The following NPNT variants were observed in gnomAD, a reference collection of about 807,000 sequenced individuals.
NPNT encodes preosteoblast EGF-like repeat protein with MAM domain.
In NPNT, 45 loss-of-function variants were observed where a neutral mutation model predicts 68.6. The observed-to-expected ratio is 0.66, with a 90% CI of 0.52 to 0.84. The LOEUF is 0.84. Ranked by LOEUF, NPNT falls within the 40% of genes least tolerant of loss-of-function variation. The probability of loss-of-function intolerance (pLI) is 0.00; values close to 1 mark genes in which losing one functional copy is unlikely to be tolerated. For missense variants in NPNT, 672 were observed against 714.8 expected (o/e 0.94, Z 0.68); for synonymous variants, 233 against 253.3 (o/e 0.92, Z 0.76).
chr4:105,907,408 G>A (rs1479054153), intron 2 of NPNT, among the ~76,000 whole-genome samples: 1 of 152,170 alleles, frequency 6.6e-6, no homozygotes, highest in Non-Finnish European at 1.5e-5. Context: ...CAAAGAGAAG[G>A]TCTTCAAACG....
chr4:105,966,044 A>T (rs1256210808), intron 10 of NPNT, among the ~76,000 whole-genome samples: 5 of 152,196 alleles, frequency 3.3e-5, no homozygotes, highest in Non-Finnish European at 7.3e-5. Context: ...AAAAGTTAAT[A>T]CCAAATTTTA....
intron 4 of NPNT, 139 bp downstream of exon 4, chr4:105,937,267 A>G: frequency 1.3e-6 from 1 of 760,768 alleles, no homozygotes. Context: ...TGCCTGAGGA[A>G]TTGAAAATCA....
intron 8 of NPNT, among the ~76,000 whole-genome samples, chr4:105,948,942 T>C (rs1285917823): frequency 6.6e-6 from 1 of 152,122 alleles, no homozygotes; most frequent in Non-Finnish European, 1.5e-5. Context: ...TTTTAGGTTA[T>C]ATGACTAGAA....
chr4:105,959,644 G>A (rs28597911), intron 10 of NPNT, among the ~76,000 whole-genome samples: 13,123 of 150,782 alleles, frequency 0.087, 711 homozygotes, highest in African/African-American at 0.15. Flanking sequence ...AAATGGTTAC[G>A]AATCACCACC....
At chr4:105,968,789 A>T in intron 11 of NPNT, 106 bp from the exon 12 acceptor site, 1 of 622,694 alleles carries the variant, frequency 1.6e-6, no homozygotes, top group Non-Finnish European at 2.9e-6. Flanking sequence ...CCTGCAAAAT[A>T]AGTTTAAAAT....
intron 10 of NPNT, among the ~76,000 whole-genome samples, chr4:105,963,486 G>T (rs1731893563): frequency 6.6e-6 from 1 of 152,030 alleles, no homozygotes. Flanking sequence ...GCCTTTCATG[G>T]TGCTATTAGG....
At chr4:105,967,723 T>C (rs1732285667) in intron 11 of NPNT, among the ~76,000 whole-genome samples, 1 of 152,156 alleles carries the variant, frequency 6.6e-6, no homozygotes, top group South Asian at 2.1e-4. Context: ...AGAAAAGTTT[T>C]TTTGGTTTTT....
At chr4:105,968,163 T>A (rs927819100) in intron 11 of NPNT, among the ~76,000 whole-genome samples, 1 of 152,222 alleles carries the variant, frequency 6.6e-6, no homozygotes, top group African/African-American at 2.4e-5. Flanking sequence ...TATGTAGGTA[T>A]AGTTTATAAG....
intron 1 of NPNT, 85 bp from the exon 2 acceptor site, chr4:105,897,816 C>A: frequency 9.0e-7 from 1 of 1,107,234 alleles, no homozygotes; most frequent in Non-Finnish European, 1.3e-6. Context: ...GTGTGGTTGA[C>A]ATTTTTTCTG....
At chr4:105,940,033 TACC>T (rs1298667257) in intron 5 of NPNT, 39 bp from the exon 6 acceptor site, 1 of 1,588,830 alleles carries the variant, frequency 6.3e-7, no homozygotes, top group African/African-American at 1.3e-5. Context: ...TGTCTTAACA[TACC>T]CTTGCTCTTC....
chr4:105,905,816 G>C (rs17036363), intron 2 of NPNT, among the ~76,000 whole-genome samples: 21,657 of 152,050 alleles, frequency 0.14, 3,235 homozygotes, highest in African/African-American at 0.38. Context: ...AATTGAAGAG[G>C]TTTCATTTTA....
intron 2 of NPNT, among the ~76,000 whole-genome samples, chr4:105,900,207 T>C (rs1049957861): frequency 6.6e-6 from 1 of 152,232 alleles, no homozygotes; most frequent in Non-Finnish European, 1.5e-5. Context: ...TCAGAGGTGC[T>C]CTGGTTCTCT....
intron 2 of NPNT, among the ~76,000 whole-genome samples, chr4:105,908,569 C>CTT (rs35079311): frequency 2.8e-5 from 4 of 144,488 alleles, no homozygotes; most frequent in African/African-American, 7.5e-5. Context: ...AACCTTTAGC[C>CTT]TTTTTTTTTT....
At chr4:105,962,536 G>A (rs895124124) in intron 10 of NPNT, among the ~76,000 whole-genome samples, 2 of 152,134 alleles carry the variant, frequency 1.3e-5, no homozygotes, top group Non-Finnish European at 2.9e-5. Flanking sequence ...CATATGGCAA[G>A]ATACTGTTAA....
intron 3 of NPNT, among the ~76,000 whole-genome samples, chr4:105,930,547 T>G (rs192715687): frequency 6.6e-6 from 1 of 152,314 alleles, no homozygotes; most frequent in Admixed American, 6.5e-5. Flanking sequence ...CCCACACATT[T>G]TAATAAAGTA....
At chr4:105,946,548 A>G (rs1051108518) in intron 8 of NPNT, among the ~76,000 whole-genome samples, 3 of 152,162 alleles carry the variant, frequency 2.0e-5, no homozygotes, top group Non-Finnish European at 4.4e-5. Flanking sequence ...GGAATTTTAC[A>G]GCTGGGTCTA....
In NPNT at chr4:105,942,516, A is replaced by T. The variant is rs376080328; in HGVS notation, c.973A>T (p.Ile325Phe). ...TTRPTPKPTP[I>F]PTPPPPPPLP... ...AAGACCTACACCAAAGCCAACACCAATTCCTACTCCACCACCACCACCACC... is the reference window on the plus strand; with the variant it reads ...AAGACCTACACCAAAGCCAACACCATTTCCTACTCCACCACCACCACCACC... The change falls in exon 8 of 12, where the codon ATT (isoleucine) becomes TTT (phenylalanine). Residue 325 changes from isoleucine (I) to phenylalanine (F), a missense_variant. Ile to Phe is a conservative substitution (Grantham distance 21). Coordinates refer to ENST00000379987, the MANE Select transcript of NPNT (RefSeq NM_001033047.3). 3.1e-6 allele frequency: 5 copies of T among 1,613,802 alleles called. No homozygotes were observed. The highest frequency in any genetic ancestry group is 4.2e-6 in the Non-Finnish European group (5 of 1,179,952).
At chr4:105,959,287 A>G (rs1452607401) in intron 10 of NPNT, among the ~76,000 whole-genome samples, 161 bp downstream of exon 10, 1 of 152,192 alleles carries the variant, frequency 6.6e-6, no homozygotes. Context: ...CATTTCTTTG[A>G]AAGAGTTAAA....
chr4:105,936,808 A>G (rs183970228), intron 3 of NPNT, among the ~76,000 whole-genome samples: 1 of 152,242 alleles, frequency 6.6e-6, no homozygotes, highest in Non-Finnish European at 1.5e-5. Context: ...CATAAAGGTC[A>G]TGGCGACTCC....
Sources: gnomAD v4.1 joint callset for allele counts (sites outside exome capture counted in the v4.1 genomes callset) on GRCh38, gnomAD v4.1.1 for gene constraint, MANE v1.5 for transcripts, NCBI Gene and HGNC (gene_info 2026-07-23, HGNC 2026-07-21) for gene names.